The following HELQ variants were observed in gnomAD, a reference collection of about 807,000 sequenced individuals.
HELQ encodes helicase, POLQ like, also known as helicase POLQ-like.
A neutral mutation model predicts 111.6 loss-of-function variants in HELQ; 77 were observed. That is an observed-to-expected ratio of 0.69 (90% CI 0.57 to 0.83). The LOEUF (loss-of-function observed/expected upper bound fraction) is 0.83. Ranked by LOEUF, HELQ falls within the 40% of genes least tolerant of loss-of-function variation. The probability of loss-of-function intolerance (pLI) is 0.00; values close to 1 mark genes in which losing one functional copy is unlikely to be tolerated. For synonymous variants in HELQ, 438 were observed against 454.7 expected (o/e 0.96, Z 0.47); for missense variants, 1,200 against 1,288.5 (o/e 0.93, Z 1.05).
intron 14 of HELQ, among the ~76,000 whole-genome samples, chr4:83,424,937 T>C (rs565729822): frequency 6.6e-6 from 1 of 152,300 alleles, no homozygotes; most frequent in Admixed American, 6.5e-5. Context: ...TCTTCCATTT[T>C]ACAAAATGAA....
At chr4:83,407,690 T>C (rs1306855375) in intron 17 of HELQ, 130 bp from the exon 18 acceptor site, 3 of 619,040 alleles carry the variant, frequency 4.8e-6, no homozygotes, top group African/African-American at 3.9e-5. Context: ...TATAATGAGA[T>C]TGAAAAATGG....
chr4:83,431,651 T>G lies in HELQ; in HGVS notation c.2295+13A>C. Reference sequence around the variant, plus strand: ...AGATAACAGTAATAAGATAAAAAATTTAAGAAAAATACCTTCAAACCAATC... The same window carrying G: ...AGATAACAGTAATAAGATAAAAAATGTAAGAAAAATACCTTCAAACCAATC... On this transcript the variant is annotated intron_variant, in intron 11 of 17. Transcript: ENST00000295488. 1 of 1,446,360 alleles carries G rather than the reference T, an allele frequency of 6.9e-7. No homozygotes were observed. The highest frequency in any genetic ancestry group is 9.4e-7 in the Non-Finnish European group (1 of 1,058,936). The allele number at this position is 1,446,360 out of a possible 1,614,324, so 89.6% of individuals were successfully genotyped here.
At chr4:83,445,928 CA>C (rs1202033421) in intron 5 of HELQ, 85 bp downstream of exon 5, 2 of 853,526 alleles carry the variant, frequency 2.3e-6, no homozygotes, top group Non-Finnish European at 1.9e-6. Context: ...CTTTAGGTTA[CA>C]TACTGTAGCT....
intron 1 of HELQ, among the ~76,000 whole-genome samples, 188 bp from the exon 2 acceptor site, chr4:83,454,133 G>A (rs753777954): frequency 2.0e-5 from 3 of 152,184 alleles, no homozygotes; most frequent in Admixed American, 1.3e-4. Flanking sequence ...AACCTGGGAA[G>A]CGCAGGTTGC....
intron 13 of HELQ, among the ~76,000 whole-genome samples, chr4:83,427,297 GA>G (rs974899118): frequency 4.6e-5 from 7 of 151,572 alleles, no homozygotes; most frequent in Non-Finnish European, 7.4e-5. Flanking sequence ...AAAACTGAAA[GA>G]AAAAAATATC....
chr4:83,433,172 A>C (rs1429506948), intron 9 of HELQ, among the ~76,000 whole-genome samples: 1 of 152,208 alleles, frequency 6.6e-6, no homozygotes, highest in Non-Finnish European at 1.5e-5. Flanking sequence ...TATACTAGTC[A>C]ACTTCCTCTT....
Position 83,455,493 on chromosome 4 carries a change from T to G in HELQ, c.201A>C (p.Leu67=). 6.2e-7 allele frequency: 1 copy of G among 1,613,966 alleles called. No homozygotes were observed. The highest frequency in any genetic ancestry group is 8.5e-7 in the Non-Finnish European group (1 of 1,179,986). Residue 67 remains leucine (L), a synonymous_variant, in exon 1 of 18, where the codon CTA becomes CTC. Coordinates refer to ENST00000295488, the MANE Select transcript of HELQ (RefSeq NM_133636.5). The part of the protein sequence containing the change: ...GVLPVEVQPL[L]LSDSPECLVL... ...CGAGACATTCCGGGGAATCTGAGAG[T>G]AGAAGGGGCTGTACCTCAACCGGCA...
chr4:83,441,522 T>C (rs1284421293), intron 6 of HELQ, 119 bp from the exon 7 acceptor site: 1 of 537,454 alleles, frequency 1.9e-6, no homozygotes, highest in African/African-American at 2.0e-5. Context: ...TTTTCTAAGA[T>C]ACATAAAACA....
At chr4:83,407,654 C>G in intron 17 of HELQ, 94 bp from the exon 18 acceptor site, 1 of 726,164 alleles carries the variant, frequency 1.4e-6, no homozygotes, top group South Asian at 1.7e-5. Context: ...TGAATCCTTA[C>G]ACATCAGAAA....
chr4:83,431,673 A>T lies in HELQ; in HGVS notation c.2286T>A (p.Ile762=). 7 of 1,533,832 alleles carry T rather than the reference A, an allele frequency of 4.6e-6. No individual in the cohort carries two copies. The highest frequency in any genetic ancestry group is 6.2e-6 in the Non-Finnish European group (7 of 1,132,726). The change falls in exon 11 of 18, where the codon ATT becomes ATA. Residue 762 remains isoleucine, a synonymous_variant. Coordinates refer to ENST00000295488, the MANE Select transcript of HELQ (RefSeq NM_133636.5). ...KGIQTLFLSL[I]GLKIATNLDD... ...AATTTAAGAAAAATACCTTCAAACC[A>T]ATCAAAGAGAGAAATAATGTTTGGA...
chr4:83,440,114 ACTT>A, intron 7 of HELQ, 106 bp from the exon 8 acceptor site: 2 of 774,124 alleles, frequency 2.6e-6, no homozygotes, highest in Non-Finnish European at 4.2e-6. Flanking sequence ...ATAATTCTAA[ACTT>A]CTAATTTAAT....
chr4:83,450,107 C>T (rs1721268677), intron 2 of HELQ, among the ~76,000 whole-genome samples: 1 of 150,710 alleles, frequency 6.6e-6, no homozygotes, highest in African/African-American at 2.4e-5. Flanking sequence ...AACAAAGTGC[C>T]ATGGTGGTGG....
At position 83,426,415 on chromosome 4, in the gene HELQ, T is replaced by C. The variant is rs998398977; in HGVS notation, c.2677-323A>G. ...ATAGTGCTACTTAAAAAAAACTTAC[T>C]TCCTGAGTAATGTAAACTCAGGAAG... is the stretch of plus-strand genomic sequence containing the variant. On this transcript the variant is annotated intron_variant, in intron 13 of 17. Coordinates refer to ENST00000295488, the MANE Select transcript of HELQ (RefSeq NM_133636.5). Among the ~76,000 whole-genome samples, 3 of 151,872 alleles carry C rather than the reference T, an allele frequency of 2.0e-5. No homozygotes were observed. In the East Asian group the frequency reaches 5.8e-4, roughly 29 times the overall value.
rs757089258 is a variant in HELQ, at chr4:83,407,547, T to C, written c.3212A>G (p.Glu1071Gly). 12 of 1,609,620 alleles carry C rather than the reference T, an allele frequency of 7.5e-6. No homozygotes were observed. The South Asian group carries it at 1.2e-4, about 16-fold the overall frequency. ...CTCTTCTTGCAGGGCTTCTGCTTTTTCATGCAACAGCATCTACATTAAAAA... is the reference window on the plus strand; with the variant it reads ...CTCTTCTTGCAGGGCTTCTGCTTTTCCATGCAACAGCATCTACATTAAAAA... ...IVSSAKMLLHEKAEALQEEVE... is the reference protein window; with the variant it reads ...IVSSAKMLLHGKAEALQEEVE... Residue 1071 changes from glutamate (E) to glycine (G), a missense_variant, in exon 18 of 18, where the codon GAA becomes GGA. This residue lies in a region of HELQ where 585 missense variants were observed against 665.3 expected (regional missense o/e 0.88). Transcript: ENST00000295488.
At chr4:83,434,397 T>G (rs890787896) in intron 9 of HELQ, among the ~76,000 whole-genome samples, 1 of 152,028 alleles carries the variant, frequency 6.6e-6, no homozygotes, top group African/African-American at 2.4e-5. Flanking sequence ...AAAATTCAAT[T>G]GAAGAACTGA....
At chr4:83,422,734 T>C (rs1424116133) in intron 14 of HELQ, among the ~76,000 whole-genome samples, 4 of 152,186 alleles carry the variant, frequency 2.6e-5, no homozygotes, top group Non-Finnish European at 5.9e-5. Context: ...CACCCATTTG[T>C]GGTAATTTGT....
At chr4:83,439,715 C>A in intron 8 of HELQ, 148 bp downstream of exon 8, 1 of 564,496 alleles carries the variant, frequency 1.8e-6, no homozygotes, top group South Asian at 2.5e-5. Flanking sequence ...GTTAAAATTT[C>A]TTTCTTCAAG....
At chr4:83,436,478 T>C (rs1433113670) in intron 9 of HELQ, among the ~76,000 whole-genome samples, 2 of 152,108 alleles carry the variant, frequency 1.3e-5, no homozygotes, top group Non-Finnish European at 2.9e-5. Context: ...TAGACACAAA[T>C]TGCCTATGGA....
rs755488976 is a variant in HELQ at position 83,455,515 on chromosome 4, G to A, written c.179C>T (p.Pro60Leu). The change falls in exon 1 of 18, where the codon CCG becomes CTG. Residue 60 changes from proline (P) to leucine (L), a missense_variant. Coordinates refer to ENST00000295488, the MANE Select transcript of HELQ (RefSeq NM_133636.5). ...NRRRKTAGVL[P>L]VEVQPLLLSD... ...GAGTAGAAGGGGCTGTACCTCAACC[G>A]GCAGTACGCCCGCGGTTTTCCGCCT... is the stretch of plus-strand genomic sequence containing the variant. The A allele has an allele frequency of 1.2e-6, 2 of 1,614,084 alleles. No homozygotes were observed. The highest frequency in any genetic ancestry group is 1.1e-5 in the South Asian group (1 of 91,072).
Sources: allele counts gnomAD v4.1 joint callset (sites outside exome capture counted in the v4.1 genomes callset), GRCh38; gene constraint gnomAD v4.1.1; regional missense constraint gnomAD v4.1.1; transcripts MANE v1.5; gene names NCBI Gene and HGNC (gene_info 2026-07-23, HGNC 2026-07-21).